Variants in GNA14 observed in about 807,000 individuals in gnomAD.
GNA14 encodes G protein subunit alpha 14, also known as guanine nucleotide-binding protein subunit alpha-14.
Under a neutral mutation model 42.0 loss-of-function variants are expected in GNA14, and 50 were observed. The ratio of observed to expected loss-of-function variants is 1.19; its 90% CI spans 0.95 to 1.51. GNA14 has a LOEUF of 1.51. Among genes scored for constraint, GNA14 ranks in the 40% most tolerant of loss-of-function variants. GNA14 has a pLI of 0.00. For synonymous variants in GNA14, 173 were observed against 163.1 expected (o/e 1.06, Z -0.46); for missense variants, 473 against 446.2 (o/e 1.06, Z -0.54).
At chr9:77,580,565 A>G in intron 1 of GNA14, 1 of 503,674 alleles carries the variant, frequency 2.0e-6, no homozygotes, top group Non-Finnish European at 3.9e-6. Context: ...CTATTAAAGA[A>G]TATCAGTGAA....
chr9:77,483,619 T>C (rs1216617123), intron 2 of GNA14, among the ~76,000 whole-genome samples: 2 of 152,184 alleles, frequency 1.3e-5, no homozygotes, highest in African/African-American at 4.8e-5. Context: ...GACATTTAAG[T>C]CTGCAGAGGT....
chr9:77,434,171 G>A (rs969279266), intron 3 of GNA14, among the ~76,000 whole-genome samples, 197 bp downstream of exon 3: 3 of 152,180 alleles, frequency 2.0e-5, no homozygotes, highest in Non-Finnish European at 2.9e-5. Context: ...AGAGGTCTGC[G>A]ATCCACAGAG....
chr9:77,614,009 T>G (rs1441162270), intron 1 of GNA14, among the ~76,000 whole-genome samples: 1 of 152,230 alleles, frequency 6.6e-6, no homozygotes, highest in Non-Finnish European at 1.5e-5. Flanking sequence ...ATAGAATGTA[T>G]TAGTCAGAAT....
intron 2 of GNA14, among the ~76,000 whole-genome samples, chr9:77,435,050 TAAAAA>T (rs3052358): frequency 8.4e-6 from 1 of 119,276 alleles, no homozygotes; most frequent in African/African-American, 3.1e-5. Context: ...TTCTTTCATT[TAAAAA>T]AAAAAAAAAA....
intron 2 of GNA14, among the ~76,000 whole-genome samples, chr9:77,451,134 T>A (rs1835894782): frequency 6.6e-6 from 1 of 152,144 alleles, no homozygotes; most frequent in African/African-American, 2.4e-5. Flanking sequence ...AACATACGTG[T>A]GTCAGACTAG....
chr9:77,432,075 T>C (rs1321296419), intron 3 of GNA14, among the ~76,000 whole-genome samples: 1 of 148,680 alleles, frequency 6.7e-6, no homozygotes, highest in Non-Finnish European at 1.5e-5. Context: ...TAAAACATAT[T>C]TTTTTTTTCT....
At chr9:77,446,832 AAG>A (rs984673890) in intron 2 of GNA14, among the ~76,000 whole-genome samples, 3 of 152,198 alleles carry the variant, frequency 2.0e-5, no homozygotes, top group African/African-American at 4.8e-5. Flanking sequence ...TATACAGCCA[AAG>A]AGAGAGAGAT....
At chr9:77,507,443 A>T (rs1837090088) in intron 2 of GNA14, among the ~76,000 whole-genome samples, 1 of 152,142 alleles carries the variant, frequency 6.6e-6, no homozygotes, top group African/African-American at 2.4e-5. Context: ...TTAAGAACAA[A>T]CATGTAGAGC....
At chr9:77,561,266 T>C (rs7872918) in intron 1 of GNA14, among the ~76,000 whole-genome samples, 91,471 of 151,958 alleles carry the variant, frequency 0.6, 28,014 homozygotes, top group Admixed American at 0.71. Context: ...GGTTTTAATC[T>C]ATCCCATTCT....
intron 1 of GNA14, among the ~76,000 whole-genome samples, chr9:77,562,307 A>C (rs1173660141): frequency 1.3e-5 from 2 of 152,220 alleles, no homozygotes; most frequent in Non-Finnish European, 2.9e-5. Flanking sequence ...GCAACGTCTT[A>C]ACAGGGATGG....
At chr9:77,558,998 T>C (rs1822837065) in intron 1 of GNA14, among the ~76,000 whole-genome samples, 1 of 151,672 alleles carries the variant, frequency 6.6e-6, no homozygotes, top group Admixed American at 6.6e-5. Flanking sequence ...TGGGGCTAAA[T>C]ATTTAGGTCT....
At chr9:77,484,410 G>C (rs990606995) in intron 2 of GNA14, among the ~76,000 whole-genome samples, 1 of 150,282 alleles carries the variant, frequency 6.7e-6, no homozygotes, top group African/African-American at 2.4e-5. Context: ...TGGCTCAACT[G>C]TGAACAATAT....
At chr9:77,504,866 T>C (rs1442185636) in intron 2 of GNA14, among the ~76,000 whole-genome samples, 2 of 151,726 alleles carry the variant, frequency 1.3e-5, no homozygotes, top group African/African-American at 4.8e-5. Context: ...CGGGGTTTCA[T>C]CACGTTGGGC....
intron 1 of GNA14, among the ~76,000 whole-genome samples, chr9:77,612,255 AAAGT>A (rs1384126656): frequency 1.3e-5 from 2 of 152,172 alleles, no homozygotes; most frequent in Non-Finnish European, 2.9e-5. Flanking sequence ...CAAGAAAGAA[AAAGT>A]AAGATTACAC....
chr9:77,600,656 G>C (rs1421949834), intron 1 of GNA14, among the ~76,000 whole-genome samples: 1 of 152,210 alleles, frequency 6.6e-6, no homozygotes, highest in Non-Finnish European at 1.5e-5. Context: ...AGTGGCTCAC[G>C]CCTGTAATCC....
At chr9:77,634,726 AC>A (rs1285003159) in intron 1 of GNA14, among the ~76,000 whole-genome samples, 1 of 152,144 alleles carries the variant, frequency 6.6e-6, no homozygotes, top group African/African-American at 2.4e-5. Flanking sequence ...ACAATCACAA[AC>A]AAAAAAGACT....
chr9:77,444,900 T>G (rs1835790897), intron 2 of GNA14, among the ~76,000 whole-genome samples: 1 of 152,192 alleles, frequency 6.6e-6, no homozygotes, highest in Admixed American at 6.5e-5. Flanking sequence ...CACCACTCAG[T>G]GCACAGCGTC....
chr9:77,529,666 C>T (rs1442968004), intron 1 of GNA14, among the ~76,000 whole-genome samples: 1 of 152,142 alleles, frequency 6.6e-6, no homozygotes, highest in Non-Finnish European at 1.5e-5. Flanking sequence ...CTTTCAGATA[C>T]ACAAATATTC....
At chr9:77,558,361 G>A (rs1041493664) in intron 1 of GNA14, among the ~76,000 whole-genome samples, 5 of 152,088 alleles carry the variant, frequency 3.3e-5, no homozygotes, top group Non-Finnish European at 7.4e-5. Flanking sequence ...AAGTTTAGAT[G>A]GCAGAGAGGG....
Sources: allele counts gnomAD v4.1 joint callset (sites outside exome capture counted in the v4.1 genomes callset), GRCh38; gene constraint gnomAD v4.1.1; transcripts MANE v1.5; gene names NCBI Gene and HGNC (gene_info 2026-07-23, HGNC 2026-07-21).